PRKCE: variants seen among roughly 807,000 people sequenced by gnomAD.
PRKCE encodes the protein protein kinase C epsilon type.
PRKCE carries 16 observed loss-of-function variants against 85.4 expected under a neutral mutation model. The ratio of observed to expected loss-of-function variants is 0.19; its 90% CI spans 0.13 to 0.28. The LOEUF (loss-of-function observed/expected upper bound fraction) is 0.28. Ranked by LOEUF, PRKCE falls within the 10% of genes least tolerant of loss-of-function variation. The pLI is 1.00. For synonymous variants in PRKCE, 388 were observed against 371.5 expected, an observed-to-expected ratio of 1.04 and a Z score of -0.51; for missense variants, 573 against 975.2, an observed-to-expected ratio of 0.59 and a Z score of 5.49.
intron 6 of PRKCE, among the ~76,000 whole-genome samples, chr2:45,990,334 G>A (rs921756224): frequency 1.3e-5 from 2 of 152,194 alleles, no homozygotes; most frequent in Admixed American, 6.5e-5. Flanking sequence ...CCCCAGACAC[G>A]AGGCAATGGG....
chr2:45,652,510 G>T lies in PRKCE; in HGVS notation c.348+62G>T. 2 of 1,443,472 alleles carry T rather than the reference G, an allele frequency of 1.4e-6. No homozygotes were observed. Among genetic ancestry groups the T allele is most frequent in the Non-Finnish European group, 1.9e-6 (2 of 1,072,338 alleles). The allele number at this position is 1,443,472 out of a possible 1,614,324, so 89.4% of individuals were successfully genotyped here. On this transcript the variant is annotated intron_variant, in intron 1 of 14. Transcript: ENST00000306156. This position sits in a 1 kb window ranked among gnomAD's most constrained non-coding sequence, Gnocchi z 7.7. ...GTTGTGGGGTCCCGGGGAAAGACTC[G>T]CTGGTCTTGATCGTAGGGCTCCGGG...
intron 10 of PRKCE, among the ~76,000 whole-genome samples, chr2:46,028,091 A>G (rs1478221571): frequency 2.0e-5 from 3 of 151,868 alleles, no homozygotes; most frequent in Admixed American, 6.6e-5. Flanking sequence ...ACAGGCTCCC[A>G]CCACTGCACC....
intron 14 of PRKCE, among the ~76,000 whole-genome samples, chr2:46,160,556 G>A (rs573047799): frequency 6.2e-4 from 85 of 138,070 alleles, no homozygotes; most frequent in South Asian, 4.6e-3. Context: ...TGAGGTAGCC[G>A]GCTGGCAGGC....
chr2:45,978,075 A>G (rs867997849), intron 3 of PRKCE: 1 of 152,264 alleles, frequency 6.6e-6, no homozygotes, highest in African/African-American at 2.4e-5. Context: ...GAGATGATAT[A>G]GCTCAGAGCA....
chr2:45,766,457 T>C (rs560362968), intron 1 of PRKCE, among the ~76,000 whole-genome samples: 12 of 152,274 alleles, frequency 7.9e-5, no homozygotes, highest in Middle Eastern at 3.4e-3. Context: ...CTGCAGACCT[T>C]CTATTTCCCT....
intron 1 of PRKCE, among the ~76,000 whole-genome samples, chr2:45,816,819 T>C (rs1377583938): frequency 1.3e-5 from 2 of 152,098 alleles, no homozygotes; most frequent in Admixed American, 1.3e-4. Flanking sequence ...CCCCTAATTG[T>C]TAGAGGTGAG....
At chr2:45,664,011 T>C (rs1675801124) in intron 1 of PRKCE, among the ~76,000 whole-genome samples, 2 of 152,236 alleles carry the variant, frequency 1.3e-5, no homozygotes, top group Admixed American at 1.3e-4. Context: ...CAAACATATA[T>C]TGAGTACTTT....
chr2:46,117,812 G>A (rs1349553435), intron 11 of PRKCE, among the ~76,000 whole-genome samples: 3 of 152,300 alleles, frequency 2.0e-5, no homozygotes, highest in East Asian at 3.9e-4. Flanking sequence ...GTGGAGCCAG[G>A]TACATAGTAG....
At chr2:46,110,640 C>T (rs1306393643) in intron 11 of PRKCE, among the ~76,000 whole-genome samples, 11 of 150,610 alleles carry the variant, frequency 7.3e-5, no homozygotes, top group Non-Finnish European at 1.0e-4. Context: ...TTTTTTAAAG[C>T]GGCTTTTGGT....
chr2:45,980,482 C>T, intron 5 of PRKCE, 101 bp downstream of exon 5: 1 of 1,073,194 alleles, frequency 9.3e-7, no homozygotes, highest in Non-Finnish European at 1.4e-6. Context: ...TGCCTGAGAC[C>T]CTGTCATTTC....
chr2:45,752,298 A>C (rs1003763863), intron 1 of PRKCE, among the ~76,000 whole-genome samples: 19 of 152,356 alleles, frequency 1.2e-4, no homozygotes, highest in Middle Eastern at 3.4e-3. Context: ...CAAAGAAGTT[A>C]ATTTATTCAA....
intron 2 of PRKCE, among the ~76,000 whole-genome samples, chr2:45,880,511 GT>G (rs919113118): frequency 9.2e-5 from 14 of 152,242 alleles, no homozygotes; most frequent in African/African-American, 3.4e-4. Flanking sequence ...AGGTCTCCTT[GT>G]TTTACACTTT....
intron 1 of PRKCE, among the ~76,000 whole-genome samples, chr2:45,741,460 G>T (rs1490633621): frequency 8.0e-6 from 1 of 125,204 alleles, no homozygotes; most frequent in East Asian, 2.2e-4. Context: ...CCTGGGGCCA[G>T]TAGCACCAGA....
At chr2:45,854,567 A>G (rs1442697763) in intron 2 of PRKCE, among the ~76,000 whole-genome samples, 2 of 152,212 alleles carry the variant, frequency 1.3e-5, no homozygotes, top group Non-Finnish European at 2.9e-5. Flanking sequence ...AGGTAAACAA[A>G]TCGTTGGGTA....
At chr2:45,814,500 G>T (rs1573461511) in intron 1 of PRKCE, among the ~76,000 whole-genome samples, 1 of 152,200 alleles carries the variant, frequency 6.6e-6, no homozygotes, top group Non-Finnish European at 1.5e-5. Context: ...TCCTCCTCCA[G>T]AGGGATTTTA....
At chr2:45,917,084 T>A (rs1006694775) in intron 2 of PRKCE, among the ~76,000 whole-genome samples, 2 of 152,152 alleles carry the variant, frequency 1.3e-5, no homozygotes, top group Non-Finnish European at 2.9e-5. Context: ...GGCAGCCTGC[T>A]TTTATTCTCT....
At chr2:45,789,646 G>GGGGAAAGGT (rs1686883274) in intron 1 of PRKCE, among the ~76,000 whole-genome samples, 1 of 152,148 alleles carries the variant, frequency 6.6e-6, no homozygotes, top group Non-Finnish European at 1.5e-5. Context: ...GGGGGAAAGG[G>GGGGAAAGGT]GGGAAAGACA....
intron 1 of PRKCE, among the ~76,000 whole-genome samples, chr2:45,726,741 G>C (rs1681107701): frequency 6.6e-6 from 1 of 152,046 alleles, no homozygotes; most frequent in Non-Finnish European, 1.5e-5. Context: ...TGATTTAAGG[G>C]GTCAGATATG....
chr2:45,673,013 C>T (rs2103847767), intron 1 of PRKCE, among the ~76,000 whole-genome samples: 1 of 152,192 alleles, frequency 6.6e-6, no homozygotes, highest in Middle Eastern at 3.4e-3. Context: ...GGCAGCAGAG[C>T]AACAGAGCAA....
Sources: allele counts gnomAD v4.1 joint callset (sites outside exome capture counted in the v4.1 genomes callset), GRCh38; gene constraint gnomAD v4.1.1; non-coding constraint Gnocchi (gnomAD v3.1); transcripts MANE v1.5; gene names NCBI Gene and HGNC (gene_info 2026-07-23, HGNC 2026-07-21).